GLRA2: variants seen among roughly 807,000 people sequenced by gnomAD.
GLRA2 encodes glycine receptor subunit alpha-2.
A neutral mutation model predicts 31.6 loss-of-function variants in GLRA2; 11 were observed. The observed-to-expected ratio is 0.35, with a 90% CI of 0.22 to 0.58. The LOEUF (loss-of-function observed/expected upper bound fraction) is 0.58. Among genes scored for constraint, GLRA2 ranks in the 20% least tolerant of loss-of-function variants. The pLI is 0.84. For missense variants in GLRA2, 212 were observed against 351.8 expected (o/e 0.60, Z 3.18); for synonymous variants, 132 against 134.0 (o/e 0.99, Z 0.10).
At chrX:14,697,520 A>T (rs1332267264) in intron 8 of GLRA2, among the ~76,000 whole-genome samples, 1 of 111,792 alleles carries the variant, frequency 8.9e-6, no homozygotes, top group East Asian at 2.8e-4. Context: ...TATGTTCCAG[A>T]TGCAGTGTCA....
chrX:14,667,167 C>A (rs994225359), intron 7 of GLRA2, among the ~76,000 whole-genome samples: 2 of 111,946 alleles, frequency 1.8e-5, no homozygotes, highest in East Asian at 2.8e-4. Flanking sequence ...CCGTAATAAA[C>A]CCTTACAATT....
chrX:14,539,178 G>GA (rs896334711), intron 2 of GLRA2, among the ~76,000 whole-genome samples: 21 of 109,746 alleles, frequency 1.9e-4, no homozygotes, highest in Non-Finnish European at 4.0e-4. Flanking sequence ...TTTAGAGTGA[G>GA]AAAAAAAATA....
chrX:14,558,714 T>C (rs180891276), intron 2 of GLRA2, among the ~76,000 whole-genome samples: 67 of 112,230 alleles, frequency 6.0e-4, no homozygotes, highest in Non-Finnish European at 1.1e-3. Context: ...CTTATCCTTG[T>C]GTGGGAGCAG....
chrX:14,508,400 A>G, the GLRA2 span, among the ~76,000 whole-genome samples: 1 of 112,432 alleles, frequency 8.9e-6, no homozygotes, highest in East Asian at 2.8e-4. Context: ...AAAGAAAACA[A>G]TCAATTCTAA....
intron 1 of GLRA2, among the ~76,000 whole-genome samples, chrX:14,531,386 C>G (rs771622556): frequency 9.0e-6 from 1 of 111,455 alleles, no homozygotes; most frequent in Admixed American, 9.6e-5. Context: ...CAGTTAACCA[C>G]TATGTATTGT....
chrX:14,609,467 C>T (rs2090375422), intron 7 of GLRA2, among the ~76,000 whole-genome samples: 1 of 110,556 alleles, frequency 9.0e-6, no homozygotes, highest in African/African-American at 3.3e-5. Context: ...GGCTTAGAGA[C>T]TCTAGGAAGC....
At chrX:14,498,443 A>C in the GLRA2 span, among the ~76,000 whole-genome samples, 1 of 111,063 alleles carries the variant, frequency 9.0e-6, no homozygotes, top group Non-Finnish European at 1.9e-5. Flanking sequence ...CCTTGATAGA[A>C]AGTATTTTCC....
chrX:14,699,655 G>A (rs2091510443), intron 8 of GLRA2, among the ~76,000 whole-genome samples: 1 of 111,351 alleles, frequency 9.0e-6, no homozygotes, highest in Non-Finnish European at 1.9e-5. Flanking sequence ...TGCAATAGAA[G>A]ACCAGAACTT....
the GLRA2 span, among the ~76,000 whole-genome samples, chrX:14,524,224 A>G: frequency 8.9e-6 from 1 of 112,523 alleles, no homozygotes. Flanking sequence ...CTCTAATACA[A>G]TATTATAGGT....
chrX:14,627,720 TA>T (rs1285263052), intron 7 of GLRA2, among the ~76,000 whole-genome samples: 2 of 111,755 alleles, frequency 1.8e-5, no homozygotes, highest in Admixed American at 1.9e-4. Context: ...AAAGGGTTAT[TA>T]AGAGCTTTCT....
chrX:14,651,313 T>A (rs940602708), intron 7 of GLRA2, among the ~76,000 whole-genome samples: 2 of 111,456 alleles, frequency 1.8e-5, no homozygotes, highest in Admixed American at 1.9e-4. Flanking sequence ...AAGCTGGGGA[T>A]AGGAAGCAGT....
the GLRA2 span, among the ~76,000 whole-genome samples, chrX:14,466,079 A>C: frequency 9.0e-6 from 1 of 111,596 alleles, no homozygotes; most frequent in Non-Finnish European, 1.9e-5. Context: ...ACCTACACCT[A>C]ATTGCTCCTT....
At chrX:14,496,619 T>C in the GLRA2 span, among the ~76,000 whole-genome samples, 3 of 112,282 alleles carry the variant, frequency 2.7e-5, no homozygotes, top group East Asian at 8.4e-4. Flanking sequence ...GTTTTCCAAG[T>C]GCTTTTATTC....
intron 8 of GLRA2, among the ~76,000 whole-genome samples, chrX:14,691,864 C>G (rs1428372084): frequency 8.9e-6 from 1 of 111,957 alleles, no homozygotes; most frequent in Non-Finnish European, 1.9e-5. Flanking sequence ...ATTTTATGTA[C>G]AGTAGAGAGA....
chrX:14,474,597 A>T, the GLRA2 span, among the ~76,000 whole-genome samples: 1 of 110,393 alleles, frequency 9.1e-6, no homozygotes, highest in Non-Finnish European at 1.9e-5. Context: ...GGCTTACTTT[A>T]ATATCTACAG....
chrX:14,458,316 G>A, the GLRA2 span, among the ~76,000 whole-genome samples: 106 of 111,721 alleles, frequency 9.5e-4, no homozygotes, highest in African/African-American at 3.4e-3. Context: ...ATTGTGAATA[G>A]TGCCACAATA....
At chrX:14,698,241 G>A (rs1194323395) in intron 8 of GLRA2, among the ~76,000 whole-genome samples, 2 of 111,454 alleles carry the variant, frequency 1.8e-5, no homozygotes, top group African/African-American at 6.5e-5. Context: ...GAGTACTGGA[G>A]TTTTGGGTAC....
chrX:14,674,475 T>C (rs1425903789), intron 7 of GLRA2, among the ~76,000 whole-genome samples: 1 of 111,767 alleles, frequency 8.9e-6, no homozygotes, highest in Non-Finnish European at 1.9e-5. Context: ...TACAAGCCAA[T>C]GTGTCTGAGA....
intron 7 of GLRA2, among the ~76,000 whole-genome samples, chrX:14,638,233 G>A (rs1217511138): frequency 9.0e-6 from 1 of 111,490 alleles, no homozygotes; most frequent in Admixed American, 9.6e-5. Flanking sequence ...GAGGGTGGTG[G>A]TGGGAGGATG....
Sources: gnomAD v4.1 joint callset for allele counts (sites outside exome capture counted in the v4.1 genomes callset) on GRCh38, gnomAD v4.1.1 for gene constraint, MANE v1.5 for transcripts, NCBI Gene and HGNC (gene_info 2026-07-23, HGNC 2026-07-21) for gene names.